The following GABRB1 variants were observed in gnomAD, a reference collection of about 807,000 sequenced individuals.
GABRB1 encodes the protein gamma-aminobutyric acid type A receptor subunit beta1.
Under a neutral mutation model 51.6 loss-of-function variants are expected in GABRB1, and 17 were observed. That is an observed-to-expected ratio of 0.33 (90% CI 0.23 to 0.49). The LOEUF is 0.49. Among genes scored for constraint, GABRB1 ranks in the 20% least tolerant of loss-of-function variants. The pLI, the probability that GABRB1 is intolerant of heterozygous loss-of-function variation, is 0.99. For synonymous variants in GABRB1, 247 were observed against 218.9 expected, an observed-to-expected ratio of 1.13 and a Z score of -1.14; for missense variants, 410 against 600.6, an observed-to-expected ratio of 0.68 and a Z score of 3.32.
At position 47,155,935 on chromosome 4, in the gene GABRB1, A is replaced by T. The variant is rs935787324; in HGVS notation, c.241-5314A>T. On this transcript the variant is annotated intron_variant, in intron 3 of 8. Transcript: ENST00000295454. ...TATTTTCATATATATATATATATAT[A>T]TATATATATATGAAACCACTTTTTC... Among the ~76,000 whole-genome samples, 44 of 121,070 alleles carry T rather than the reference A, an allele frequency of 3.6e-4. 3 individuals are homozygous for T. Among genetic ancestry groups the T allele is most frequent in the African/African-American group, 1.2e-3 (35 of 28,962 alleles). 79.4% of individuals were successfully genotyped at this position (121,070 alleles called of 152,430 possible).
At chr4:47,354,869 T>TGTCC (rs1726492046) in intron 5 of GABRB1, among the ~76,000 whole-genome samples, 1 of 109,380 alleles carries the variant, frequency 9.1e-6, no homozygotes. Context: ...CTTTTTTTTT[T>TGTCC]ATACCCTGAC....
chr4:47,103,488 T>C (rs1322458320), intron 3 of GABRB1, among the ~76,000 whole-genome samples: 5 of 151,996 alleles, frequency 3.3e-5, no homozygotes, highest in African/African-American at 7.2e-5. Flanking sequence ...GAAATGATAT[T>C]ATTGTTAGAT....
chr4:47,290,293 G>C (rs1723674741), intron 4 of GABRB1, among the ~76,000 whole-genome samples: 1 of 152,194 alleles, frequency 6.6e-6, no homozygotes, highest in African/African-American at 2.4e-5. Context: ...GTAAGAGGGA[G>C]TTTTCCTGCA....
chr4:47,001,260 A>G (rs979484216), intron 1 of GABRB1, among the ~76,000 whole-genome samples: 6 of 152,008 alleles, frequency 3.9e-5, no homozygotes, highest in Non-Finnish European at 8.8e-5. Flanking sequence ...CTCCTGCCTC[A>G]GCCTCCCGAG....
intron 5 of GABRB1, among the ~76,000 whole-genome samples, chr4:47,333,965 A>G (rs1725597120): frequency 6.6e-6 from 1 of 152,194 alleles, no homozygotes; most frequent in Non-Finnish European, 1.5e-5. Flanking sequence ...GTGTACCTAC[A>G]ATGTAGACAA....
At chr4:47,054,730 C>T (rs984214491) in intron 3 of GABRB1, among the ~76,000 whole-genome samples, 18 of 152,002 alleles carry the variant, frequency 1.2e-4, no homozygotes, top group African/African-American at 4.3e-4. Context: ...TTACAGGTGC[C>T]TGCCACCATG....
chr4:47,282,108 T>C (rs945625079), intron 4 of GABRB1, among the ~76,000 whole-genome samples: 5 of 152,250 alleles, frequency 3.3e-5, no homozygotes, highest in Non-Finnish European at 5.9e-5. Context: ...TGACTCTTTC[T>C]ATAATAGAAG....
At chr4:47,418,554 A>G (rs1240881574) in intron 8 of GABRB1, among the ~76,000 whole-genome samples, 1 of 152,214 alleles carries the variant, frequency 6.6e-6, no homozygotes, top group Non-Finnish European at 1.5e-5. Context: ...CATCTAAACT[A>G]GTGTTTGACC....
chr4:47,372,413 T>G (rs1484101717), intron 5 of GABRB1, among the ~76,000 whole-genome samples: 2 of 152,218 alleles, frequency 1.3e-5, no homozygotes, highest in African/African-American at 4.8e-5. Flanking sequence ...CAGAGAGCTT[T>G]GTTTTTTCTC....
intron 3 of GABRB1, among the ~76,000 whole-genome samples, chr4:47,070,313 G>A (rs1189355155): frequency 6.6e-6 from 1 of 151,986 alleles, no homozygotes; most frequent in East Asian, 1.9e-4. Flanking sequence ...TGGGATTACA[G>A]GCGTAAGCCA....
chr4:47,080,604 A>G (rs932766806), intron 3 of GABRB1, among the ~76,000 whole-genome samples: 1 of 151,976 alleles, frequency 6.6e-6, no homozygotes, highest in Non-Finnish European at 1.5e-5. Flanking sequence ...TGTTTTGGAG[A>G]CAAGGTCTTG....
intron 3 of GABRB1, among the ~76,000 whole-genome samples, chr4:47,087,628 C>A (rs141224122): frequency 3.6e-4 from 54 of 151,116 alleles, no homozygotes; most frequent in Non-Finnish European, 6.6e-4. Context: ...TAGTTTAAAA[C>A]AATGTGAATA....
At chr4:47,377,346 G>A (rs930059131) in intron 5 of GABRB1, among the ~76,000 whole-genome samples, 2 of 151,526 alleles carry the variant, frequency 1.3e-5, no homozygotes, top group Non-Finnish European at 2.9e-5. Flanking sequence ...GACCCTCGCC[G>A]TGAGTGTTAC....
chr4:47,080,622 G>T (rs1213810122), intron 3 of GABRB1, among the ~76,000 whole-genome samples: 1 of 151,982 alleles, frequency 6.6e-6, no homozygotes, highest in African/African-American at 2.4e-5. Context: ...TTGCTATTTT[G>T]CCTAGGCTGG....
At chr4:47,124,630 A>G (rs1319487508) in intron 3 of GABRB1, among the ~76,000 whole-genome samples, 1 of 152,230 alleles carries the variant, frequency 6.6e-6, no homozygotes, top group Non-Finnish European at 1.5e-5. Context: ...GGAAAATAAT[A>G]CATGACAAAA....
intron 4 of GABRB1, among the ~76,000 whole-genome samples, chr4:47,243,832 G>T (rs558560792): frequency 6.6e-6 from 1 of 152,276 alleles, no homozygotes; most frequent in East Asian, 1.9e-4. Flanking sequence ...TCTGCAAACA[G>T]GGACAATTTG....
At chr4:47,248,786 A>G (rs2119778) in intron 4 of GABRB1, among the ~76,000 whole-genome samples, 100,594 of 151,806 alleles carry the variant, frequency 0.66, 33,638 homozygotes, top group South Asian at 0.82. Context: ...TTTCTAGTTT[A>G]TGTACACAAA....
intron 4 of GABRB1, among the ~76,000 whole-genome samples, chr4:47,192,321 C>T (rs1719470051): frequency 1.3e-5 from 2 of 152,266 alleles, no homozygotes; most frequent in Non-Finnish European, 2.9e-5. Context: ...TGTTTTCCCT[C>T]ATTGAAATCC....
At chr4:47,279,104 ATG>A in intron 4 of GABRB1, among the ~76,000 whole-genome samples, 1 of 151,754 alleles carries the variant, frequency 6.6e-6, no homozygotes, top group Non-Finnish European at 1.5e-5. Context: ...GGATGGATGG[ATG>A]GATGGATGGA....
Sources: allele counts gnomAD v4.1 joint callset (sites outside exome capture counted in the v4.1 genomes callset), GRCh38; gene constraint gnomAD v4.1.1; transcripts MANE v1.5; gene names NCBI Gene and HGNC (gene_info 2026-07-23, HGNC 2026-07-21).